Variants in DMD observed in about 807,000 individuals in gnomAD.
DMD encodes the protein dystrophin, also known as mutant dystrophin.
DMD carries 63 observed loss-of-function variants against 330.1 expected under a neutral mutation model. The ratio of observed to expected loss-of-function variants is 0.19; its 90% CI spans 0.16 to 0.24. The LOEUF is 0.24. DMD is among the 10% of genes least tolerant of loss of function. The pLI is 1.00. For missense variants in DMD, 3,344 were observed against 2,684.1 expected (o/e 1.25, Z -5.43); for synonymous variants, 1,223 against 959.8 (o/e 1.27, Z -5.07).
intron 59 of DMD, among the ~76,000 whole-genome samples, chrX:31,454,429 A>G (rs1268825349): frequency 8.9e-6 from 1 of 112,484 alleles, no homozygotes; most frequent in African/African-American, 3.2e-5. Flanking sequence ...GGCGTGAGCC[A>G]CTGCGCCTGA....
At chrX:32,622,003 G>C (rs1302302018) in intron 11 of DMD, among the ~76,000 whole-genome samples, 1 of 111,614 alleles carries the variant, frequency 9.0e-6, no homozygotes, top group East Asian at 2.8e-4. Flanking sequence ...GAAAATTACT[G>C]CTCTAGGTAA....
chrX:32,363,383 G>T (rs950015608), intron 36 of DMD, among the ~76,000 whole-genome samples: 1 of 111,657 alleles, frequency 9.0e-6, no homozygotes, highest in African/African-American at 3.3e-5. Context: ...GGTAGCTGAA[G>T]AACACTTTTC....
chrX:31,492,540 A>C (rs1298543202), intron 57 of DMD, among the ~76,000 whole-genome samples: 1 of 112,139 alleles, frequency 8.9e-6, no homozygotes, highest in Non-Finnish European at 1.9e-5. Flanking sequence ...AGCTTGAAAA[A>C]GCATTGCGCC....
At chrX:32,679,996 C>A (rs1389582961) in intron 9 of DMD, among the ~76,000 whole-genome samples, 3 of 94,200 alleles carry the variant, frequency 3.2e-5, no homozygotes, top group Non-Finnish European at 6.1e-5. Flanking sequence ...CTCACTGCAA[C>A]CTCCGCCTCT....
chrX:32,405,226 C>A (rs1050911061), intron 30 of DMD, among the ~76,000 whole-genome samples: 1 of 111,582 alleles, frequency 9.0e-6, no homozygotes, highest in Non-Finnish European at 1.9e-5. Context: ...GATTTGATTG[C>A]TCCGGGGCTC....
intron 16 of DMD, among the ~76,000 whole-genome samples, chrX:32,556,578 C>T (rs1489046015): frequency 9.0e-6 from 1 of 111,506 alleles, no homozygotes; most frequent in African/African-American, 3.3e-5. Context: ...CAATGATAGA[C>T]AAGATAAAGA....
At chrX:33,275,514 C>G (rs1459749697) in intron 1 of DMD, among the ~76,000 whole-genome samples, 1 of 111,966 alleles carries the variant, frequency 8.9e-6, no homozygotes, top group Non-Finnish European at 1.9e-5. Flanking sequence ...TCATGTATCA[C>G]TAAAAATCAT....
chrX:32,637,870 C>A (rs753723051), intron 11 of DMD, among the ~76,000 whole-genome samples: 1 of 112,000 alleles, frequency 8.9e-6, no homozygotes, highest in African/African-American at 3.2e-5. Flanking sequence ...ATGAGAACTA[C>A]AATTCAAGAT....
chrX:32,449,232 C>G (rs1191803235), intron 26 of DMD, among the ~76,000 whole-genome samples: 1 of 110,770 alleles, frequency 9.0e-6, no homozygotes, highest in Non-Finnish European at 1.9e-5. Flanking sequence ...ATGCCTTGGT[C>G]TTCTCAAGTG....
rs1181569489 is a variant in DMD at position 32,403,006 on chromosome X, T to C, written c.4233+8746A>G. 3.6e-5 allele frequency among the ~76,000 whole-genome samples: 4 copies of C among 111,847 alleles called. No individual in the cohort carries two copies. The Admixed American group carries it at 3.8e-4, about 11-fold the overall frequency. Reference sequence around the variant, plus strand: ...GTGACTAAACCTCAGTGGAATTCAATAAATTTGCCAGCTATTTGTTAGAAA... The same window carrying C: ...GTGACTAAACCTCAGTGGAATTCAACAAATTTGCCAGCTATTTGTTAGAAA... On this transcript the variant is annotated intron_variant, in intron 30 of 78. Transcript: ENST00000357033.
intron 18 of DMD, among the ~76,000 whole-genome samples, chrX:32,504,940 C>T (rs921081812): frequency 1.7e-4 from 19 of 111,828 alleles, no homozygotes; most frequent in Non-Finnish European, 5.6e-5. Context: ...AAAATAAATA[C>T]ATTTCCACTG....
intron 55 of DMD, among the ~76,000 whole-genome samples, chrX:31,550,535 G>A (rs898472670): frequency 1.8e-5 from 2 of 111,672 alleles, no homozygotes; most frequent in African/African-American, 3.3e-5. Context: ...TTATGCAATC[G>A]GATATTAAAG....
At chrX:31,570,083 C>A (rs2075730228) in intron 55 of DMD, among the ~76,000 whole-genome samples, 1 of 111,381 alleles carries the variant, frequency 9.0e-6, no homozygotes, top group African/African-American at 3.3e-5. Flanking sequence ...AATCCAGAAT[C>A]TCCTACTGCA....
intron 7 of DMD, among the ~76,000 whole-genome samples, chrX:32,759,518 A>C (rs5972664): frequency 0.11 from 11,688 of 110,749 alleles, 734 homozygotes; most frequent in African/African-American, 0.21. Context: ...CATGGGAGAG[A>C]TGAGTTAGTT....
intron 55 of DMD, among the ~76,000 whole-genome samples, chrX:31,599,941 A>AT (rs1284308732): frequency 1.1e-4 from 12 of 109,481 alleles, no homozygotes; most frequent in African/African-American, 9.9e-5. Flanking sequence ...TTTATTTCTT[A>AT]TTTTTTTTTG....
intron 2 of DMD, among the ~76,000 whole-genome samples, chrX:32,999,793 C>CAAAAACAAAAACA (rs1435348474): frequency 2.1e-5 from 2 of 96,289 alleles, no homozygotes; most frequent in Non-Finnish European, 2.1e-5. Context: ...AAAACAAAAA[C>CAAAAACAAAAACA]AAAAACAAAA....
At position 32,411,740 on chromosome X, in the gene DMD, A is replaced by T. The variant is rs762152361; in HGVS notation, c.4233+12T>A. ...AACAAAAGAATGGAAGCTGATTCCCAGATGTACTTGCCTGGGCTTCCTGAG... is the reference window on the plus strand; with the variant it reads ...AACAAAAGAATGGAAGCTGATTCCCTGATGTACTTGCCTGGGCTTCCTGAG... On this transcript the variant is annotated intron_variant, in intron 30 of 78. Transcript: ENST00000357033. 5 of 1,210,512 alleles carry T rather than the reference A, an allele frequency of 4.1e-6. No homozygotes were observed. The South Asian group carries it at 5.3e-5, about 13-fold the overall frequency.
intron 60 of DMD, among the ~76,000 whole-genome samples, chrX:31,379,811 T>C (rs967296711): frequency 1.3e-4 from 15 of 112,020 alleles, no homozygotes; most frequent in Non-Finnish European, 2.6e-4. Flanking sequence ...GGCCAAGGAA[T>C]GCCCGCAGCC....
intron 74 of DMD, among the ~76,000 whole-genome samples, chrX:31,150,390 G>A (rs2037266738): frequency 8.9e-6 from 1 of 111,740 alleles, no homozygotes. Flanking sequence ...AACAGTATTA[G>A]CACATGTGAA....
Sources: allele counts gnomAD v4.1 joint callset (sites outside exome capture counted in the v4.1 genomes callset), GRCh38; gene constraint gnomAD v4.1.1; transcripts MANE v1.5; gene names NCBI Gene and HGNC (gene_info 2026-07-23, HGNC 2026-07-21).